Variants in HS3ST4 observed in about 807,000 individuals in gnomAD.
The protein encoded by HS3ST4 is heparan sulfate glucosamine 3-O-sulfotransferase 4.
A neutral mutation model predicts 29.2 loss-of-function variants in HS3ST4; 17 were observed. That is an observed-to-expected ratio of 0.58 (90% CI 0.40 to 0.87). The LOEUF (loss-of-function observed/expected upper bound fraction) is 0.87. Ranked by LOEUF, HS3ST4 falls within the 40% of genes least tolerant of loss-of-function variation. HS3ST4 has a pLI of 0.00. For synonymous variants in HS3ST4, 314 were observed against 285.7 expected, an observed-to-expected ratio of 1.10 and a Z score of -1.00; for missense variants, 627 against 634.5, an observed-to-expected ratio of 0.99 and a Z score of 0.13.
chr16:25,969,269 TG>T (rs1471099053), intron 1 of HS3ST4, among the ~76,000 whole-genome samples: 1 of 152,252 alleles, frequency 6.6e-6, no homozygotes, highest in Non-Finnish European at 1.5e-5. Flanking sequence ...GCTCTCATAC[TG>T]TGGGCCCAGT....
At chr16:25,970,791 T>C (rs932404067) in intron 1 of HS3ST4, among the ~76,000 whole-genome samples, 4 of 152,188 alleles carry the variant, frequency 2.6e-5, no homozygotes, top group African/African-American at 9.7e-5. Context: ...TTCTTTCATT[T>C]ATTCATTCAT....
chr16:26,116,922 G>A (rs2141807144), intron 1 of HS3ST4, among the ~76,000 whole-genome samples: 1 of 152,200 alleles, frequency 6.6e-6, no homozygotes, highest in East Asian at 1.9e-4. Context: ...CCAGTATAAT[G>A]CAAATGTCCC....
chr16:26,129,150 G>A (rs753122666), intron 1 of HS3ST4, among the ~76,000 whole-genome samples: 5 of 152,202 alleles, frequency 3.3e-5, no homozygotes, highest in Non-Finnish European at 5.9e-5. Flanking sequence ...CCTGGAGAGA[G>A]ATGTCACAAA....
At chr16:26,006,101 C>G (rs1969255360) in intron 1 of HS3ST4, among the ~76,000 whole-genome samples, 1 of 151,822 alleles carries the variant, frequency 6.6e-6, no homozygotes, top group South Asian at 2.1e-4. Flanking sequence ...GAGTTCAAGA[C>G]CAGCCTGGAC....
At chr16:25,812,139 A>G (rs1967048145) in intron 1 of HS3ST4, among the ~76,000 whole-genome samples, 1 of 152,112 alleles carries the variant, frequency 6.6e-6, no homozygotes, top group Non-Finnish European at 1.5e-5. Flanking sequence ...CAAAATACAG[A>G]TTTTGTTTTG....
At chr16:25,870,206 A>G (rs1967735790) in intron 1 of HS3ST4, among the ~76,000 whole-genome samples, 1 of 151,950 alleles carries the variant, frequency 6.6e-6, no homozygotes. Context: ...CCATCCAACC[A>G]TCCATCCATC....
At chr16:26,082,065 G>C (rs192037351) in intron 1 of HS3ST4, among the ~76,000 whole-genome samples, 1 of 152,134 alleles carries the variant, frequency 6.6e-6, no homozygotes, top group East Asian at 1.9e-4. Flanking sequence ...AAAGTGCTGG[G>C]ATTACAGGCA....
chr16:25,768,291 A>T (rs1966834316), intron 1 of HS3ST4, among the ~76,000 whole-genome samples: 1 of 152,200 alleles, frequency 6.6e-6, no homozygotes, highest in South Asian at 2.1e-4. Context: ...TGCTTATTTT[A>T]AAAAATTGAC....
intron 1 of HS3ST4, among the ~76,000 whole-genome samples, chr16:25,882,160 TGCTACA>T (rs1967901421): frequency 6.6e-6 from 1 of 152,204 alleles, no homozygotes; most frequent in Non-Finnish European, 1.5e-5. Context: ...CTCTTTCATG[TGCTACA>T]GAGTCCAGAG....
At chr16:25,869,211 C>G (rs1198048532) in intron 1 of HS3ST4, among the ~76,000 whole-genome samples, 3 of 152,150 alleles carry the variant, frequency 2.0e-5, no homozygotes, top group South Asian at 4.2e-4. Flanking sequence ...GCGATTTGCT[C>G]TCCGTGGAGA....
intron 1 of HS3ST4, among the ~76,000 whole-genome samples, chr16:26,049,330 CGG>C (rs1898307515): frequency 2.3e-5 from 2 of 86,626 alleles, no homozygotes; most frequent in African/African-American, 7.3e-5. Flanking sequence ...CTGGGAAGTC[CGG>C]AGGTCTACAT....
At chr16:25,754,479 C>T (rs937801357) in intron 1 of HS3ST4, among the ~76,000 whole-genome samples, 3 of 152,078 alleles carry the variant, frequency 2.0e-5, no homozygotes, top group Non-Finnish European at 2.9e-5. Context: ...ACCCATCCAC[C>T]TACCCATCTG....
chr16:25,881,445 A>G (rs1032765811), intron 1 of HS3ST4, among the ~76,000 whole-genome samples: 1 of 152,176 alleles, frequency 6.6e-6, no homozygotes, highest in Non-Finnish European at 1.5e-5. Flanking sequence ...AACTGTCCTT[A>G]GACAAATTAG....
At chr16:25,898,407 C>T (rs1260132311) in intron 1 of HS3ST4, among the ~76,000 whole-genome samples, 2 of 152,172 alleles carry the variant, frequency 1.3e-5, no homozygotes, top group African/African-American at 2.4e-5. Flanking sequence ...AATATGACTG[C>T]CTTCCCATAC....
chr16:25,826,847 A>G (rs1021015278), intron 1 of HS3ST4, among the ~76,000 whole-genome samples: 1 of 152,184 alleles, frequency 6.6e-6, no homozygotes, highest in Non-Finnish European at 1.5e-5. Context: ...TTTATAAATC[A>G]GACATGCTTG....
At chr16:26,049,783 C>T (rs945642939) in intron 1 of HS3ST4, among the ~76,000 whole-genome samples, 2 of 152,148 alleles carry the variant, frequency 1.3e-5, no homozygotes, top group Non-Finnish European at 2.9e-5. Context: ...TTCTCACAAC[C>T]CCCTCCTTTA....
intron 1 of HS3ST4, among the ~76,000 whole-genome samples, chr16:25,887,847 A>G (rs142612649): frequency 0.066 from 9,990 of 151,530 alleles, 398 homozygotes; most frequent in East Asian, 0.17. Context: ...ACAGGCGCCC[A>G]CCACCACGCC....
intron 1 of HS3ST4, among the ~76,000 whole-genome samples, chr16:25,835,556 G>A (rs72780704): frequency 0.12 from 18,072 of 152,088 alleles, 1,448 homozygotes; most frequent in Non-Finnish European, 0.18. Flanking sequence ...CATCAATAGA[G>A]AAAAATGCTT....
intron 1 of HS3ST4, among the ~76,000 whole-genome samples, chr16:26,035,688 A>T (rs1969576594): frequency 6.6e-6 from 1 of 151,948 alleles, no homozygotes; most frequent in Non-Finnish European, 1.5e-5. Context: ...TTTCATCAGA[A>T]CTCTCAAGAG....
Sources: gnomAD v4.1 joint callset for allele counts (sites outside exome capture counted in the v4.1 genomes callset) on GRCh38, gnomAD v4.1.1 for gene constraint, MANE v1.5 for transcripts, NCBI Gene and HGNC (gene_info 2026-07-23, HGNC 2026-07-21) for gene names.